The following NUP188 variants were observed in gnomAD, a reference collection of about 807,000 sequenced individuals.
NUP188 encodes nucleoporin NUP188.
NUP188 carries 97 observed loss-of-function variants against 223.0 expected under a neutral mutation model. The ratio of observed to expected loss-of-function variants is 0.43; its 90% CI spans 0.37 to 0.51. NUP188 has a LOEUF of 0.51. Among genes scored for constraint, NUP188 ranks in the 20% least tolerant of loss-of-function variants. The pLI is 0.00. For synonymous variants in NUP188, 869 were observed against 828.0 expected (o/e 1.05, Z -0.85); for missense variants, 1,947 against 2,175.6 (o/e 0.89, Z 2.09).
chr9:128,970,771 T>C lies in NUP188; in HGVS notation c.926T>C (p.Leu309Ser). 6.2e-7 allele frequency: 1 copy of C among 1,614,182 alleles called. No individual in the cohort carries two copies. Among genetic ancestry groups the C allele is most frequent in the African/African-American group, 1.3e-5 (1 of 75,068 alleles). The change falls in exon 11 of 44, where the codon TTA becomes TCA. Residue 309 changes from leucine (L) to serine (S), a missense_variant. Leu to Ser is a moderately radical substitution (Grantham distance 145). Around this residue, in one of 3 missense-constraint regions of NUP188, gnomAD observed 817 missense variants for 865.8 expected, o/e 0.94. Transcript: ENST00000372577. ...DGLICQDMDC[L>S]MLTFGDIPHH... ...TTCTCTCACTAGGATATGGACTGTT[T>C]AATGTTGACCTTTGGGGACATTCCA...
rs1842508164 is a variant in NUP188 at position 128,995,481 on chromosome 9, C to T, written c.3318C>T (p.Ala1106=). The change falls in exon 30 of 44, where the codon GCC becomes GCT. Residue 1106 remains alanine (A), a synonymous_variant. Coordinates refer to ENST00000372577, the MANE Select transcript of NUP188 (RefSeq NM_015354.3). ...TAGAGTACCAGATGCTGGTGTCCGC[C>T]TGGAGGATGCTTCTCATCATTGCCA... The part of the protein sequence containing the change: ...SLLEYQMLVS[A]WRMLLIIATT... 2.5e-6 allele frequency: 4 copies of T among 1,605,936 alleles called. No homozygotes were observed. The highest frequency in any genetic ancestry group is 2.6e-6 in the Non-Finnish European group (3 of 1,176,356).
At chr9:128,976,962 C>T (rs943807387) in intron 12 of NUP188, among the ~76,000 whole-genome samples, 7 of 151,936 alleles carry the variant, frequency 4.6e-5, no homozygotes, top group Non-Finnish European at 8.8e-5. Context: ...CGTGTAGTCC[C>T]AGCTACTCAG....
intron 2 of NUP188, among the ~76,000 whole-genome samples, chr9:128,951,612 C>T (rs553954636): frequency 2.0e-5 from 3 of 152,146 alleles, no homozygotes; most frequent in African/African-American, 7.2e-5. Flanking sequence ...TATTATGCAG[C>T]AACTTGAAAG....
Position 128,995,411 on chromosome 9 carries a change from C to T in NUP188, c.3248C>T (p.Ala1083Val). Reference protein sequence around the residue: ...AYWSGYVKSLAVHVAETEGSS... With the variant: ...AYWSGYVKSLVVHVAETEGSS... The stretch of plus-strand genomic sequence containing the variant: ...TGGTCAGGGTATGTCAAGTCATTGG[C>T]AGTTCACGTGGCCGAAACAGAAGGC... The change falls in exon 30 of 44, where the codon GCA (alanine) becomes GTA (valine). Residue 1083 changes from alanine (A) to valine (V), a missense_variant. Transcript: ENST00000372577. 1 of 1,613,960 alleles carries T rather than the reference C, an allele frequency of 6.2e-7. No homozygotes were observed. Among genetic ancestry groups the T allele is most frequent in the Non-Finnish European group, 8.5e-7 (1 of 1,179,938 alleles).
intron 13 of NUP188, among the ~76,000 whole-genome samples, chr9:128,979,616 G>GT (rs34187070): frequency 1.0e-4 from 15 of 148,306 alleles, no homozygotes; most frequent in South Asian, 2.1e-4. Flanking sequence ...AGCCCACCAG[G>GT]TTTTTTTTTT....
intron 12 of NUP188, among the ~76,000 whole-genome samples, chr9:128,973,933 C>T (rs544412269): frequency 1.3e-5 from 2 of 151,688 alleles, no homozygotes; most frequent in South Asian, 2.1e-4. Context: ...TTTTTTGAGG[C>T]GGAGTCTTGC....
At chr9:128,970,171 A>G (rs964518999) in intron 10 of NUP188, among the ~76,000 whole-genome samples, 1 of 151,150 alleles carries the variant, frequency 6.6e-6, no homozygotes, top group Non-Finnish European at 1.5e-5. Flanking sequence ...CAAGTGATCC[A>G]CCTGCCTCAG....
rs1469387781 is a variant in NUP188 at position 128,983,519 on chromosome 9, C to T, written c.1930C>T (p.His644Tyr). The T allele has an allele frequency of 2.3e-5, 37 of 1,614,138 alleles. No individual in the cohort carries two copies. Among genetic ancestry groups the T allele is most frequent in the Non-Finnish European group, 3.0e-5 (35 of 1,180,004 alleles). The change falls in exon 19 of 44, where the codon CAT (histidine) becomes TAT (tyrosine). Residue 644 changes from histidine to tyrosine, a missense_variant. Transcript: ENST00000372577. The part of the protein sequence containing the change: ...RHTGFLPFVA[H>Y]PVSSLSQMIS... The stretch of plus-strand genomic sequence containing the variant: ...CACAGGTTTTTTACCATTTGTGGCC[C>T]ATCCTGTCTCCAGCCTGAGTCAGAT...
intron 13 of NUP188, among the ~76,000 whole-genome samples, chr9:128,979,903 G>T (rs1223472019): frequency 6.6e-6 from 1 of 152,086 alleles, no homozygotes; most frequent in African/African-American, 2.4e-5. Flanking sequence ...AAGTGCTGGG[G>T]TTACAGGCGT....
At chr9:128,970,430 G>A (rs1842089556) in intron 10 of NUP188, among the ~76,000 whole-genome samples, 1 of 152,214 alleles carries the variant, frequency 6.6e-6, no homozygotes, top group Non-Finnish European at 1.5e-5. Flanking sequence ...ACATTGAGAT[G>A]AGATGGTTAG....
At position 129,002,814 on chromosome 9, in the gene NUP188, T is replaced by TA. The variant is rs749202103; in HGVS notation, c.4138-2dup. 1 of 1,613,506 alleles carries TA rather than the reference T, an allele frequency of 6.2e-7. No individual in the cohort carries two copies. Among genetic ancestry groups the TA allele is most frequent in the South Asian group, 1.1e-5 (1 of 91,016 alleles). ...CTGAGCTTGTCTGCTGTTTGTATCT[T>TA]AGACACCTAGTGCCTCTCGGAAGTC... On this transcript the variant is annotated splice_polypyrimidine_tract_variant and splice_region_variant and intron_variant, in intron 36 of 43. Transcript: ENST00000372577.
chr9:128,960,572 G>T (rs952971229), intron 8 of NUP188, among the ~76,000 whole-genome samples: 6 of 152,066 alleles, frequency 3.9e-5, no homozygotes, highest in African/African-American at 1.4e-4. Context: ...AGCAATAAAA[G>T]CATAAAATTC....
In NUP188 at chr9:128,988,140, T is replaced by C; in HGVS notation, c.2487T>C (p.Pro829=). Residue 829 remains proline, a synonymous_variant, in exon 24 of 44, where the codon CCT becomes CCC. Coordinates refer to ENST00000372577, the MANE Select transcript of NUP188 (RefSeq NM_015354.3). ...SVTNNVIRLK[P]PSNVVSPLEQ... ...CCAACAATGTTATTCGGCTGAAACC[T>C]CCTTCTAATGTGGTGTCCCCCCTGG... 6.2e-7 allele frequency: 1 copy of C among 1,614,148 alleles called. No individual in the cohort carries two copies. The highest frequency in any genetic ancestry group is 8.5e-7 in the Non-Finnish European group (1 of 1,179,980).
rs765457660 is a variant in NUP188, at chr9:129,006,582, G to T, written c.5154G>T (p.Pro1718=). 1 of 1,614,152 alleles carries T rather than the reference G, an allele frequency of 6.2e-7. No homozygotes were observed. The highest frequency in any genetic ancestry group is 8.5e-7 in the Non-Finnish European group (1 of 1,180,018). Residue 1718 remains proline (P), a synonymous_variant, in exon 44 of 44, where the codon CCG becomes CCT. Coordinates refer to ENST00000372577, the MANE Select transcript of NUP188 (RefSeq NM_015354.3). ...CTGCCACTGGTGTCCTCCCCTCGCC[G>T]CAGGGCAAGTCCACCTCTCTCTCCA... ...SSPATGVLPS[P]QGKSTSLSKA...
At chr9:128,961,361 AG>A (rs1841948490) in intron 8 of NUP188, among the ~76,000 whole-genome samples, 1 of 150,752 alleles carries the variant, frequency 6.6e-6, no homozygotes, top group African/African-American at 2.4e-5. Flanking sequence ...AAAATATAAA[AG>A]TTAGCTGAGC....
At chr9:128,957,369 G>T (rs1841885718) in intron 5 of NUP188, among the ~76,000 whole-genome samples, 1 of 152,130 alleles carries the variant, frequency 6.6e-6, no homozygotes, top group Admixed American at 6.6e-5. Context: ...ATGCATATAA[G>T]CTGAGATCTG....
At position 128,995,526 on chromosome 9, in the gene NUP188, T is replaced by C. The variant is rs765443764; in HGVS notation, c.3351+12T>C. 7 of 1,559,766 alleles carry C rather than the reference T, an allele frequency of 4.5e-6. No individual in the cohort carries two copies. In the South Asian group the frequency reaches 7.4e-5, roughly 17 times the overall value. On this transcript the variant is annotated intron_variant, in intron 30 of 43. Transcript: ENST00000372577. ...TTGCCACCACTCATGTAAGACCCTTTTGGGGAGAGTTTTCACTTTGGTACC... is the reference window on the plus strand; with the variant it reads ...TTGCCACCACTCATGTAAGACCCTTCTGGGGAGAGTTTTCACTTTGGTACC...
In NUP188 at chr9:128,952,894, T is replaced by C. The variant is rs764541541; in HGVS notation, c.161+48T>C. ...GTTAAAGTAATTGTCCTAAGGAAGC[T>C]GACATGGATAAAACCATCCTTCTAT... On this transcript the variant is annotated intron_variant, in intron 3 of 43. Transcript: ENST00000372577. 1.7e-5 allele frequency: 24 copies of C among 1,427,348 alleles called. No homozygotes were observed. In the South Asian group the frequency reaches 2.8e-4, roughly 16 times the overall value. The allele number at this position is 1,427,348 out of a possible 1,614,324, so 88.4% of individuals were successfully genotyped here. A position where few individuals can be genotyped will look rare whatever the true frequency, so the allele number is the denominator to read the frequency against.
At chr9:128,976,048 A>C (rs9408985) in intron 12 of NUP188, among the ~76,000 whole-genome samples, 151,694 of 152,214 alleles carry the variant, frequency 1, 75,592 homozygotes, top group Middle Eastern at 1. Flanking sequence ...ATCTCAAACT[A>C]CTGACCTCAA....
Sources: gnomAD v4.1 joint callset for allele counts (sites outside exome capture counted in the v4.1 genomes callset) on GRCh38, gnomAD v4.1.1 for gene constraint, gnomAD v4.1.1 regional missense constraint, MANE v1.5 for transcripts, NCBI Gene and HGNC (gene_info 2026-07-23, HGNC 2026-07-21) for gene names.